Variants in GTF2I observed in about 807,000 individuals in gnomAD.
The protein encoded by GTF2I is general transcription factor IIi.
A neutral mutation model predicts 67.6 loss-of-function variants in GTF2I; 12 were observed. The ratio of observed to expected loss-of-function variants is 0.18; its 90% confidence interval spans 0.11 to 0.29. The LOEUF (loss-of-function observed/expected upper bound fraction) is 0.29. Among genes scored for constraint, GTF2I ranks in the 10% least tolerant of loss-of-function variants. The pLI, the probability that GTF2I is intolerant of heterozygous loss-of-function variation, is 1.00. For synonymous variants in GTF2I, 149 were observed against 197.0 expected, an observed-to-expected ratio of 0.76 and a Z score of 2.04; for missense variants, 271 against 580.1, an observed-to-expected ratio of 0.47 and a Z score of 5.47.
chr7:74,715,559 C>T (rs117732260), intron 10 of GTF2I, among the ~76,000 whole-genome samples: 196 of 152,122 alleles, frequency 1.3e-3, no homozygotes, highest in Non-Finnish European at 1.1e-3. Context: ...TACCTACTGG[C>T]CTCATCATTT....
At chr7:74,731,725 A>G (rs7786842) in intron 14 of GTF2I, among the ~76,000 whole-genome samples, 1,749 of 148,590 alleles carry the variant, frequency 0.012, 27 homozygotes, top group African/African-American at 0.041. Flanking sequence ...TTGTATTTTT[A>G]GTAGAGACAA....
chr7:74,718,659 TATC>T (rs1270504312), intron 11 of GTF2I, among the ~76,000 whole-genome samples: 6 of 152,214 alleles, frequency 3.9e-5, no homozygotes, highest in Non-Finnish European at 8.8e-5. Flanking sequence ...GGTAACATGT[TATC>T]ATCTAAATTT....
chr7:74,679,925 A>G (rs2131252025), intron 1 of GTF2I, among the ~76,000 whole-genome samples: 1 of 151,746 alleles, frequency 6.6e-6, no homozygotes, highest in Non-Finnish European at 1.5e-5. Flanking sequence ...TACTAAAAAT[A>G]GAAAAATTAT....
At chr7:74,716,734 G>C in intron 10 of GTF2I, 160 bp from the exon 11 acceptor site, 1 of 536,290 alleles carries the variant, frequency 1.9e-6, no homozygotes, top group Non-Finnish European at 3.3e-6. Context: ...ATTCTTTTCT[G>C]AATTAGAAAA....
At chr7:74,727,034 T>G (rs995462798) in intron 12 of GTF2I, 14 of 152,224 alleles carry the variant, frequency 9.2e-5, no homozygotes, top group African/African-American at 3.4e-4. Flanking sequence ...ATTCAACACA[T>G]CAGCATTTTA....
At chr7:74,681,906 G>A (rs971170229) in intron 1 of GTF2I, among the ~76,000 whole-genome samples, 14 of 149,976 alleles carry the variant, frequency 9.3e-5, no homozygotes, top group Admixed American at 1.3e-4. Context: ...GTGAGACTCC[G>A]TCTCAAAAAA....
intron 12 of GTF2I, among the ~76,000 whole-genome samples, chr7:74,721,459 C>T (rs1201135164): frequency 2.0e-5 from 3 of 152,062 alleles, no homozygotes; most frequent in African/African-American, 2.4e-5. Flanking sequence ...AGTGAAATAC[C>T]AGGTCTGAGT....
In GTF2I at chr7:74,753,182, GTT is replaced by G; in HGVS notation, c.2641+8_2641+9del. On this transcript the variant is annotated splice_donor_region_variant and intron_variant, in intron 29 of 34. Coordinates refer to ENST00000573035, the MANE Select transcript of GTF2I (RefSeq NM_032999.4). ...ACCTCTTTAGTCGGAAATTTGGTAAGTTTTGCATTTGCAAAGTACAGTTGCTA... is the reference window on the plus strand; with the variant it reads ...ACCTCTTTAGTCGGAAATTTGGTAAGTTGCATTTGCAAAGTACAGTTGCTA... The G allele has an allele frequency of 1.2e-6, 2 of 1,602,830 alleles. No homozygotes were observed. The highest frequency in any genetic ancestry group is 2.3e-5 in the South Asian group (2 of 88,840).
chr7:74,705,209 C>A lies in GTF2I; in HGVS notation c.632C>A (p.Pro211Gln). The part of the protein sequence containing the change: ...VTDADRSILS[P>Q]GGSCGPIKVK... The stretch of plus-strand genomic sequence containing the variant: ...GATGCTGACAGGTCAATACTATCTC[C>A]AGGTGGAAGGTAAAACCTAATTTCA... Residue 211 changes from proline (P) to glutamine (Q), a missense_variant, in exon 7 of 35, where the codon CCA becomes CAA. Physicochemically the swap from Pro to Gln is moderately conservative, Grantham distance 76. Transcript: ENST00000573035. 6.3e-7 allele frequency: 1 copy of A among 1,594,286 alleles called. No individual in the cohort carries two copies. Among genetic ancestry groups the A allele is most frequent in the Non-Finnish European group, 8.6e-7 (1 of 1,162,512 alleles).
chr7:74,705,550 ACT>A (rs1554401110), intron 7 of GTF2I, among the ~76,000 whole-genome samples: 2 of 104,352 alleles, frequency 1.9e-5, no homozygotes, highest in Middle Eastern at 4.5e-3. Flanking sequence ...TCAGTTGGTA[ACT>A]CTTTTTTTTT....
At chr7:74,758,055 CTTTT>C in intron 33 of GTF2I, 55 bp downstream of exon 33, 1 of 129,466 alleles carries the variant, frequency 7.7e-6, no homozygotes, top group Non-Finnish European at 1.5e-5. Context: ...TCTTCTTCTT[CTTTT>C]TTTTTTTTTT....
chr7:74,736,034 G>A (rs1303244806), intron 17 of GTF2I, among the ~76,000 whole-genome samples: 3 of 3,136 alleles, frequency 9.6e-4, no homozygotes, highest in East Asian at 5.5e-3. Context: ...AGGTTGAAGG[G>A]GTAAAGAACA....
At chr7:74,714,593 C>G (rs587631477) in intron 9 of GTF2I, among the ~76,000 whole-genome samples, 1 of 152,188 alleles carries the variant, frequency 6.6e-6, no homozygotes, top group Admixed American at 6.5e-5. Context: ...TTTAGACATA[C>G]CATTCCCATT....
intron 10 of GTF2I, 57 bp downstream of exon 10, chr7:74,714,973 T>C (rs901511778): frequency 1.2e-5 from 12 of 1,035,634 alleles, no homozygotes; most frequent in African/African-American, 1.6e-5. Context: ...TGTTTCCTTA[T>C]ATTGCACAGA....
At chr7:74,699,675 A>G (rs1789466724) in intron 4 of GTF2I, 1 of 154,148 alleles carries the variant, frequency 6.5e-6, no homozygotes, top group Non-Finnish European at 1.4e-5. Context: ...GTCACATCAT[A>G]AAACAAAGCT....
rs1804056125 is a variant in GTF2I, at chr7:74,657,932, C to G, written c.-142C>G. 6.6e-6 allele frequency: 1 copy of G among 152,174 alleles called. No homozygotes were observed. The highest frequency in any genetic ancestry group is 1.5e-5 in the Non-Finnish European group (1 of 68,236). 9.4% of individuals were successfully genotyped at this position (152,174 alleles called of 1,614,324 possible). On this transcript the variant is annotated 5_prime_UTR_variant, in exon 1 of 35. Coordinates refer to ENST00000573035, the MANE Select transcript of GTF2I (RefSeq NM_032999.4). ...CGACCGACACGCACGGGCCCCTCGC[C>G]CCCTCTCGCCTCCCGTCCGCTCGCC...
chr7:74,662,902 C>T (rs1307299394), intron 1 of GTF2I, among the ~76,000 whole-genome samples: 2 of 151,950 alleles, frequency 1.3e-5, no homozygotes, highest in Non-Finnish European at 1.5e-5. Flanking sequence ...AGTTGATGAC[C>T]CCCCTCCTTT....
At chr7:74,719,040 G>A in intron 12 of GTF2I, 99 bp downstream of exon 12, 1 of 647,518 alleles carries the variant, frequency 1.5e-6, no homozygotes, top group Non-Finnish European at 2.6e-6. Flanking sequence ...CATTTTTAAA[G>A]GAGACTTGTG....
chr7:74,718,985 A>G, intron 12 of GTF2I, 44 bp downstream of exon 12: 1 of 972,444 alleles, frequency 1.0e-6, no homozygotes. Context: ...ACTTCTGGTC[A>G]TAAAAATACT....
Sources: gnomAD v4.1 joint callset for allele counts (sites outside exome capture counted in the v4.1 genomes callset) on GRCh38, gnomAD v4.1.1 for gene constraint, MANE v1.5 for transcripts, NCBI Gene and HGNC (gene_info 2026-07-23, HGNC 2026-07-21) for gene names.